Variants in EHHADH observed in about 807,000 individuals in gnomAD.
EHHADH encodes peroxisomal bifunctional enzyme.
In EHHADH, 48 loss-of-function variants were observed where a neutral mutation model predicts 64.4. The observed-to-expected ratio is 0.75, with a 90% CI of 0.59 to 0.95. The LOEUF (loss-of-function observed/expected upper bound fraction) is 0.95, where lower values mean the gene tolerates loss of function less well. Among genes scored for constraint, EHHADH ranks in the 40% least tolerant of loss-of-function variants. The pLI, the probability that EHHADH is intolerant of heterozygous loss-of-function variation, is 0.00. For synonymous variants in EHHADH, 308 were observed against 326.7 expected (o/e 0.94, Z 0.62); for missense variants, 854 against 876.6 (o/e 0.97, Z 0.33).
chr3:185,215,241 C>T (rs749354912), intron 5 of EHHADH, among the ~76,000 whole-genome samples: 21 of 151,780 alleles, frequency 1.4e-4, no homozygotes, highest in Non-Finnish European at 2.9e-4. Flanking sequence ...TTGTGTAGGC[C>T]CAAAGTGGAA....
At chr3:185,229,690 C>A in intron 3 of EHHADH, 147 bp from the exon 4 acceptor site, 1 of 443,794 alleles carries the variant, frequency 2.3e-6, no homozygotes. Flanking sequence ...AGTGCACATC[C>A]TTTTCTTTAA....
chr3:185,193,300 A>C lies in EHHADH; in HGVS notation c.1098T>G (p.Thr366=). ...HPWSGPKPRL[T]SSVKELGGVD... is the part of the protein sequence containing the mutation. Reference sequence around the variant, plus strand: ...CACCACCAAGCTCCTTCACAGATGAAGTTAACCTGGGTTTTGGTCCTGACC... The same window carrying C: ...CACCACCAAGCTCCTTCACAGATGACGTTAACCTGGGTTTTGGTCCTGACC... The change falls in exon 7 of 7, where the codon ACT becomes ACG. Residue 366 remains threonine (T), a synonymous_variant. Transcript: ENST00000231887. 6.2e-7 allele frequency: 1 copy of C among 1,609,364 alleles called. No individual in the cohort carries two copies. Among genetic ancestry groups the C allele is most frequent in the East Asian group, 2.2e-5 (1 of 44,862 alleles).
intron 2 of EHHADH, 181 bp downstream of exon 2, chr3:185,248,233 C>T (rs915569571): frequency 1.7e-6 from 1 of 585,058 alleles, no homozygotes; most frequent in Non-Finnish European, 3.1e-6. Flanking sequence ...GAGACTAAGC[C>T]CTTCTCTGGG....
chr3:185,216,880 T>C lies in EHHADH; in HGVS notation c.568+1256A>G, dbSNP rs893666960. Among the ~76,000 whole-genome samples the C allele has an allele frequency of 2.6e-4, 40 of 152,140 alleles. No individual in the cohort carries two copies. The highest frequency in any genetic ancestry group is 8.7e-4 in the African/African-American group (36 of 41,432). ...CCTCTCCATCTTGCTCATTTAAAGATGACAACATCCATAGACTGAAAAGAA... is the reference window on the plus strand; with the variant it reads ...CCTCTCCATCTTGCTCATTTAAAGACGACAACATCCATAGACTGAAAAGAA... On this transcript the variant is annotated intron_variant, in intron 5 of 6. Coordinates refer to ENST00000231887, the MANE Select transcript of EHHADH (RefSeq NM_001966.4). This position sits in a 1 kb window ranked among gnomAD's most constrained non-coding sequence, Gnocchi z 5.3.
Position 185,193,039 on chromosome 3 carries a change from G to A in EHHADH, c.1359C>T (p.Pro453=), listed in dbSNP as rs750531920. The change falls in exon 7 of 7, where the codon CCC becomes CCT. Residue 453 remains proline, a synonymous_variant. Transcript: ENST00000231887. ...LEVIPSQYSS[P]TTIATVMNLS... ...AGTTCATAACAGTGGCAATGGTAGT[G>A]GGGGAAGAGTATTGGCTGGGAATAA... The A allele has an allele frequency of 6.2e-7, 1 of 1,614,222 alleles. No homozygotes were observed. The highest frequency in any genetic ancestry group is 8.5e-7 in the Non-Finnish European group (1 of 1,180,036).
At chr3:185,225,463 G>C (rs1718949760) in intron 4 of EHHADH, among the ~76,000 whole-genome samples, 1 of 152,066 alleles carries the variant, frequency 6.6e-6, no homozygotes, top group Non-Finnish European at 1.5e-5. Context: ...CCACTACTCA[G>C]ATCCAAGCCC....
chr3:185,230,629 A>T (rs1015251993), intron 3 of EHHADH, among the ~76,000 whole-genome samples: 1 of 145,894 alleles, frequency 6.9e-6, no homozygotes, highest in African/African-American at 2.5e-5. Flanking sequence ...TGCTAAACAA[A>T]AAAAGCCAGT....
intron 4 of EHHADH, among the ~76,000 whole-genome samples, chr3:185,221,577 CTTTTT>C (rs10663266): frequency 1.5e-5 from 2 of 130,728 alleles, no homozygotes; most frequent in Non-Finnish European, 3.1e-5. Context: ...ATTTTTTTTT[CTTTTT>C]TTTTTTTTTT....
intron 6 of EHHADH, among the ~76,000 whole-genome samples, chr3:185,196,866 G>T (rs1442973246): frequency 2.0e-5 from 3 of 152,108 alleles, no homozygotes; most frequent in African/African-American, 7.2e-5. Flanking sequence ...GCCAGGTGTG[G>T]TGGCATGTGC....
Position 185,216,864 on chromosome 3 carries a change from C to A in EHHADH, c.568+1272G>T, listed in dbSNP as rs898868887. 6.6e-6 allele frequency among the ~76,000 whole-genome samples: 1 copy of A among 152,114 alleles called. No homozygotes were observed. Among genetic ancestry groups the A allele is most frequent in the Admixed American group, 6.5e-5 (1 of 15,280 alleles). On this transcript the variant is annotated intron_variant, in intron 5 of 6. Transcript: ENST00000231887. The surrounding 1 kb of genome is among the most constrained non-coding windows in gnomAD (Gnocchi z 5.3). Reference sequence around the variant, plus strand: ...TTCTGGCTATTTTTACCCTCTCCATCTTGCTCATTTAAAGATGACAACATC... The same window carrying A: ...TTCTGGCTATTTTTACCCTCTCCATATTGCTCATTTAAAGATGACAACATC...
chr3:185,238,422 G>C (rs1187356681), intron 2 of EHHADH, among the ~76,000 whole-genome samples: 2 of 151,964 alleles, frequency 1.3e-5, no homozygotes, highest in African/African-American at 4.8e-5. Flanking sequence ...CCAACATATT[G>C]TTGTTTTACT....
At position 185,192,859 on chromosome 3, in the gene EHHADH, A is replaced by G. The variant is rs1213629337; in HGVS notation, c.1539T>C (p.Gly513=). 3.1e-6 allele frequency: 5 copies of G among 1,614,080 alleles called. No individual in the cohort carries two copies. The highest frequency in any genetic ancestry group is 4.2e-6 in the Non-Finnish European group (5 of 1,180,016). ...ACACTCTAAAAGGTCCCATTTTAAA[A>G]CCAAACTCTTCCAGCACCTGATCTA... ...EEVDQVLEEF[G]FKMGPFRVSD... is the part of the protein sequence containing the mutation. Residue 513 remains glycine (G), a synonymous_variant, in exon 7 of 7, where the codon GGT becomes GGC. Transcript: ENST00000231887.
chr3:185,235,399 T>A lies in EHHADH; in HGVS notation c.242A>T (p.Asp81Val). 1.2e-6 allele frequency: 2 copies of A among 1,614,008 alleles called. No homozygotes were observed. The highest frequency in any genetic ancestry group is 1.7e-6 in the Non-Finnish European group (2 of 1,179,980). ...TFGLTLGHVV[D>V]EIQRNEKPVV... is the part of the protein sequence containing the mutation. Reference sequence around the variant, plus strand: ...GGGCTTCTCATTTCTCTGTATTTCATCTACTACATGTCCCAGTGTAAGGCC... The same window carrying A: ...GGGCTTCTCATTTCTCTGTATTTCAACTACTACATGTCCCAGTGTAAGGCC... Residue 81 changes from aspartate to valine, a missense_variant, in exon 3 of 7, where the codon GAT becomes GTT. Physicochemically the swap from Asp to Val is radical, Grantham distance 152. Transcript: ENST00000231887.
At chr3:185,240,825 A>G (rs951962504) in intron 2 of EHHADH, among the ~76,000 whole-genome samples, 2 of 151,892 alleles carry the variant, frequency 1.3e-5, no homozygotes, top group African/African-American at 4.8e-5. Context: ...ATTTTTCCAT[A>G]GGTTATTGGG....
chr3:185,243,529 G>A (rs921317373), intron 2 of EHHADH, among the ~76,000 whole-genome samples: 2 of 152,048 alleles, frequency 1.3e-5, no homozygotes, highest in African/African-American at 4.8e-5. Flanking sequence ...GCAACATTAG[G>A]TTGTGACTTT....
chr3:185,222,138 G>A (rs906004937), intron 4 of EHHADH, among the ~76,000 whole-genome samples: 8 of 152,008 alleles, frequency 5.3e-5, no homozygotes, highest in African/African-American at 1.9e-4. Flanking sequence ...CCAGCACTTT[G>A]GGAGGCCAAG....
chr3:185,219,675 C>T (rs1266021928), intron 4 of EHHADH, among the ~76,000 whole-genome samples: 3 of 152,180 alleles, frequency 2.0e-5, no homozygotes, highest in African/African-American at 4.8e-5. Flanking sequence ...AGTGACACAT[C>T]GCTTGCTTTC....
chr3:185,209,237 C>T (rs1265454051), intron 5 of EHHADH, among the ~76,000 whole-genome samples: 1 of 151,784 alleles, frequency 6.6e-6, no homozygotes, highest in East Asian at 1.9e-4. Context: ...TAAAATAAGA[C>T]CTTAATAAAA....
chr3:185,228,913 C>G lies in EHHADH; in HGVS notation c.463+519G>C, dbSNP rs570735398. Among the ~76,000 whole-genome samples the G allele has an allele frequency of 1.1e-3, 168 of 151,926 alleles. 1 individual carries two copies. Among genetic ancestry groups the G allele is most frequent in the African/African-American group, 3.8e-3 (159 of 41,482 alleles). On this transcript the variant is annotated intron_variant, in intron 4 of 6. Transcript: ENST00000231887. ...CCGCTTCCTGGGTTCAAGCGATTCT[C>G]CTGCCTCAGTCTCCCGAGTAGCTGG...
Sources: gnomAD v4.1 joint callset for allele counts (sites outside exome capture counted in the v4.1 genomes callset) on GRCh38, gnomAD v4.1.1 for gene constraint, Gnocchi (gnomAD v3.1) non-coding constraint, MANE v1.5 for transcripts, NCBI Gene and HGNC (gene_info 2026-07-23, HGNC 2026-07-21) for gene names.